The following KDM4C variants were observed in gnomAD, a reference collection of about 807,000 sequenced individuals.
KDM4C encodes lysine demethylase 4C.
In KDM4C, 81 loss-of-function variants were observed where a neutral mutation model predicts 129.3. The observed-to-expected ratio is 0.63, with a 90% CI of 0.52 to 0.75. The LOEUF (loss-of-function observed/expected upper bound fraction) is 0.75. Among genes scored for constraint, KDM4C ranks in the 30% least tolerant of loss-of-function variants. The probability of loss-of-function intolerance (pLI) is 0.00; values close to 1 mark genes in which losing one functional copy is unlikely to be tolerated. For missense variants in KDM4C, 1,457 were observed against 1,304.0 expected (o/e 1.12, Z -1.81); for synonymous variants, 573 against 456.1 (o/e 1.26, Z -3.26).
intron 5 of KDM4C, among the ~76,000 whole-genome samples, chr9:6,879,772 A>C (rs1844157858): frequency 6.6e-6 from 1 of 152,134 alleles, no homozygotes; most frequent in South Asian, 2.1e-4. Flanking sequence ...CCTAATTTGT[A>C]AAATGTGGTT....
At chr9:6,977,139 G>A (rs1833054782) in intron 8 of KDM4C, among the ~76,000 whole-genome samples, 1 of 152,072 alleles carries the variant, frequency 6.6e-6, no homozygotes, top group Non-Finnish European at 1.5e-5. Flanking sequence ...ATAGCCATGT[G>A]CCTCGTGTCA....
At chr9:7,076,561 A>G in intron 17 of KDM4C, 7 of 1,523,606 alleles carry the variant, frequency 4.6e-6, no homozygotes, top group Non-Finnish European at 6.2e-6. Flanking sequence ...GCTGTTTCTC[A>G]TTCTCCATGG....
At chr9:6,836,981 G>T (rs1020576910) in intron 4 of KDM4C, among the ~76,000 whole-genome samples, 8 of 152,148 alleles carry the variant, frequency 5.3e-5, no homozygotes, top group Non-Finnish European at 1.2e-4. Flanking sequence ...CTGGCTCATA[G>T]AGTATTTAAC....
At chr9:6,836,842 T>A (rs1248615944) in intron 4 of KDM4C, among the ~76,000 whole-genome samples, 1 of 152,212 alleles carries the variant, frequency 6.6e-6, no homozygotes, top group Non-Finnish European at 1.5e-5. Context: ...TTTTTTATTC[T>A]GCTGCCAGTG....
intron 1 of KDM4C, among the ~76,000 whole-genome samples, chr9:6,785,654 G>A (rs1825338457): frequency 6.6e-6 from 1 of 152,182 alleles, no homozygotes; most frequent in African/African-American, 2.4e-5. Flanking sequence ...TTCCTAAAAG[G>A]ACACCAGTCA....
At chr9:7,100,512 G>A (rs770017349) in intron 17 of KDM4C, among the ~76,000 whole-genome samples, 15 of 151,942 alleles carry the variant, frequency 9.9e-5, no homozygotes, top group Non-Finnish European at 2.1e-4. Context: ...GCTAATTTTT[G>A]TATTTTTAGT....
chr9:6,999,798 C>T (rs1247741024), intron 12 of KDM4C, among the ~76,000 whole-genome samples: 1 of 152,138 alleles, frequency 6.6e-6, no homozygotes, highest in Non-Finnish European at 1.5e-5. Context: ...AGTCTTTCCC[C>T]TGCGTAAAAA....
chr9:6,792,069 G>T (rs773660977), intron 1 of KDM4C, among the ~76,000 whole-genome samples: 1 of 151,438 alleles, frequency 6.6e-6, no homozygotes, highest in Non-Finnish European at 1.5e-5. Flanking sequence ...TCTGGGCTCG[G>T]TAGCTCACAT....
intron 15 of KDM4C, among the ~76,000 whole-genome samples, chr9:7,036,427 C>T (rs1042778557): frequency 1.3e-5 from 2 of 152,100 alleles, no homozygotes; most frequent in African/African-American, 2.4e-5. Flanking sequence ...TACTTCTGAC[C>T]AGTCTTACAT....
intron 2 of KDM4C, among the ~76,000 whole-genome samples, chr9:6,795,434 C>A (rs1827548897): frequency 6.6e-6 from 1 of 152,214 alleles, no homozygotes; most frequent in South Asian, 2.1e-4. Flanking sequence ...TGGTTTCAAG[C>A]TATTCTCCTG....
At position 6,991,982 on chromosome 9, in the gene KDM4C, C is replaced by T. The variant is rs903888272; in HGVS notation, c.1786+1458C>T. Reference sequence around the variant, plus strand: ...TAATAGAAGTAATGAAACATATTTGCATTGATTTCCATATATCATAATGTT... The same window carrying T: ...TAATAGAAGTAATGAAACATATTTGTATTGATTTCCATATATCATAATGTT... On this transcript the variant is annotated intron_variant, in intron 12 of 21. Coordinates refer to ENST00000381309, the MANE Select transcript of KDM4C (RefSeq NM_015061.6). Among the ~76,000 whole-genome samples, 4 of 151,842 alleles carry T rather than the reference C, an allele frequency of 2.6e-5. No individual in the cohort carries two copies. In the East Asian group the frequency reaches 7.7e-4, roughly 29 times the overall value.
chr9:7,162,462 A>T (rs1843904739), intron 19 of KDM4C, among the ~76,000 whole-genome samples: 1 of 152,224 alleles, frequency 6.6e-6, no homozygotes, highest in South Asian at 2.1e-4. Flanking sequence ...GTAATAAAAG[A>T]TATCTAACTA....
At chr9:6,834,041 G>GTTTTTTTTTTTT (rs368060541) in intron 4 of KDM4C, among the ~76,000 whole-genome samples, 1 of 57,780 alleles carries the variant, frequency 1.7e-5, no homozygotes, top group Non-Finnish European at 3.4e-5. Context: ...TCAAGAGATA[G>GTTTTTTTTTTTT]TCTTTTTTTT....
At chr9:6,939,976 A>ACCTACCTACCTTCCTT (rs1458974643) in intron 8 of KDM4C, among the ~76,000 whole-genome samples, 28 of 93,524 alleles carry the variant, frequency 3.0e-4, no homozygotes, top group Non-Finnish European at 3.4e-4. Flanking sequence ...CTACCTACCT[A>ACCTACCTACCTTCCTT]CCTTCCTTCC....
chr9:6,749,433 G>C (rs1177941548), intron 1 of KDM4C, among the ~76,000 whole-genome samples: 1 of 152,084 alleles, frequency 6.6e-6, no homozygotes, highest in Admixed American at 6.6e-5. Context: ...GATGGGGCTG[G>C]ATAAAATCAG....
chr9:7,120,801 A>T, intron 18 of KDM4C, among the ~76,000 whole-genome samples: 1 of 152,144 alleles, frequency 6.6e-6, no homozygotes, highest in East Asian at 1.9e-4. Flanking sequence ...CTGAAGAATA[A>T]ATGTTGGAGA....
At chr9:6,860,601 G>T (rs1291098367) in intron 5 of KDM4C, among the ~76,000 whole-genome samples, 3 of 152,114 alleles carry the variant, frequency 2.0e-5, no homozygotes, top group Non-Finnish European at 4.4e-5. Flanking sequence ...ACATATGCCT[G>T]CAATCCTAAA....
At chr9:6,893,685 G>C (rs902317244) in intron 8 of KDM4C, 1 of 152,444 alleles carries the variant, frequency 6.6e-6, no homozygotes, top group Non-Finnish European at 1.5e-5. Context: ...GATTAAAACT[G>C]CCCTTAGTGC....
chr9:6,794,390 A>G (rs1300822096), intron 2 of KDM4C, among the ~76,000 whole-genome samples: 1 of 152,238 alleles, frequency 6.6e-6, no homozygotes, highest in Non-Finnish European at 1.5e-5. Flanking sequence ...TGGGAGGAAT[A>G]GGAAGGTGGT....
Sources: gnomAD v4.1 joint callset for allele counts (sites outside exome capture counted in the v4.1 genomes callset) on GRCh38, gnomAD v4.1.1 for gene constraint, MANE v1.5 for transcripts, NCBI Gene and HGNC (gene_info 2026-07-23, HGNC 2026-07-21) for gene names.